Variants in LEKR1 observed in about 807,000 individuals in gnomAD.
LEKR1 encodes protein LEKR1.
LEKR1 carries 59 observed loss-of-function variants against 72.4 expected under a neutral mutation model. That is an observed-to-expected ratio of 0.82 (90% CI 0.66 to 1.01). The LOEUF (loss-of-function observed/expected upper bound fraction) is 1.01, where lower values mean the gene tolerates loss of function less well. Among genes scored for constraint, LEKR1 ranks in the 50% least tolerant of loss-of-function variants. The pLI, the probability that LEKR1 is intolerant of heterozygous loss-of-function variation, is 0.00. For missense variants in LEKR1, 728 were observed against 759.2 expected, an observed-to-expected ratio of 0.96 and a Z score of 0.48; for synonymous variants, 257 against 263.2, an observed-to-expected ratio of 0.98 and a Z score of 0.23.
chr3:156,961,368 C>T (rs1193432829), intron 6 of LEKR1, among the ~76,000 whole-genome samples: 2 of 152,090 alleles, frequency 1.3e-5, no homozygotes, highest in Admixed American at 1.3e-4. Context: ...TCAGCAAAGT[C>T]GAATTTTGGG....
In LEKR1 at chr3:156,924,545, G is replaced by C. The variant is rs781311234; in HGVS notation, c.384-2884G>C. On this transcript the variant is annotated intron_variant, in intron 4 of 12. Transcript: ENST00000356539. Reference sequence around the variant, plus strand: ...GAACTCTGTCTAAGCCGGTCAGAAGGATTTTCTCCTGTATTTTCTTCTAAG... The same window carrying C: ...GAACTCTGTCTAAGCCGGTCAGAAGCATTTTCTCCTGTATTTTCTTCTAAG... The C allele has an allele frequency of 1.1e-4, 76 of 670,256 alleles. No individual in the cohort carries two copies. In the African/African-American group the frequency reaches 1.2e-3, roughly 11 times the overall value. The allele number at this position is 670,256 out of a possible 1,614,324, so 41.5% of individuals were successfully genotyped here. A position where few individuals can be genotyped will look rare whatever the true frequency, so the allele number is the denominator to read the frequency against.
At chr3:156,944,888 G>A (rs1271118028) in intron 6 of LEKR1, among the ~76,000 whole-genome samples, 1 of 151,610 alleles carries the variant, frequency 6.6e-6, no homozygotes, top group Non-Finnish European at 1.5e-5. Flanking sequence ...TGGGAGTGTA[G>A]ATATCTCTTC....
intron 7 of LEKR1, among the ~76,000 whole-genome samples, chr3:156,982,206 T>G (rs1289163207): frequency 6.6e-6 from 1 of 152,226 alleles, no homozygotes; most frequent in African/African-American, 2.4e-5. Context: ...CAGTTTTAGT[T>G]GATAAGAGTC....
chr3:156,994,104 A>G (rs1338780973), intron 9 of LEKR1, among the ~76,000 whole-genome samples: 3 of 152,140 alleles, frequency 2.0e-5, no homozygotes, highest in African/African-American at 7.2e-5. Flanking sequence ...CAGAAGGCAC[A>G]TGATAGGTTA....
chr3:156,993,640 T>C (rs1168446767), intron 9 of LEKR1, among the ~76,000 whole-genome samples: 1 of 152,132 alleles, frequency 6.6e-6, no homozygotes, highest in Non-Finnish European at 1.5e-5. Flanking sequence ...ACAGAAAAGA[T>C]CTTTTTATAT....
At chr3:156,969,311 C>CA (rs1358884583) in intron 6 of LEKR1, among the ~76,000 whole-genome samples, 2 of 151,954 alleles carry the variant, frequency 1.3e-5, no homozygotes, top group Non-Finnish European at 2.9e-5. Flanking sequence ...AAAAACCCTT[C>CA]AAAAAATCAA....
intron 9 of LEKR1, among the ~76,000 whole-genome samples, chr3:156,994,971 A>G (rs185248993): frequency 6.6e-6 from 1 of 152,340 alleles, no homozygotes; most frequent in Non-Finnish European, 1.5e-5. Flanking sequence ...GCTTAAGCAC[A>G]TGTTTTAGAC....
chr3:156,830,464 G>A (rs923246395), intron 2 of LEKR1, among the ~76,000 whole-genome samples: 1 of 152,232 alleles, frequency 6.6e-6, no homozygotes, highest in African/African-American at 2.4e-5. Context: ...GTGTGCAGCT[G>A]TGGTTGCCCA....
intron 4 of LEKR1, among the ~76,000 whole-genome samples, chr3:156,922,354 A>G (rs989098788): frequency 1.1e-4 from 17 of 152,104 alleles, no homozygotes; most frequent in Admixed American, 8.5e-4. Context: ...TTAATAAAGA[A>G]AAAGAGCTTA....
chr3:156,902,902 C>G (rs1722172093), intron 3 of LEKR1, among the ~76,000 whole-genome samples: 2 of 151,812 alleles, frequency 1.3e-5, no homozygotes, highest in South Asian at 4.1e-4. Context: ...TTAAAAAAAG[C>G]ACCATAATGT....
At chr3:157,004,853 GA>G (rs555329025) in intron 9 of LEKR1, among the ~76,000 whole-genome samples, 316 of 151,474 alleles carry the variant, frequency 2.1e-3, no homozygotes, top group African/African-American at 7.3e-3. Context: ...TGTGAAAAAA[GA>G]AAAAAAGGTT....
At chr3:156,995,221 A>C (rs1576967270) in intron 9 of LEKR1, among the ~76,000 whole-genome samples, 1 of 152,204 alleles carries the variant, frequency 6.6e-6, no homozygotes, top group East Asian at 1.9e-4. Flanking sequence ...CCTCAGTAGA[A>C]TATATATATA....
chr3:156,883,670 C>T (rs998606824), intron 3 of LEKR1, among the ~76,000 whole-genome samples: 4 of 152,152 alleles, frequency 2.6e-5, no homozygotes, highest in African/African-American at 9.7e-5. Context: ...TAAGGGGAAA[C>T]CGATTTTGCT....
chr3:157,024,011 A>T, intron 10 of LEKR1, among the ~76,000 whole-genome samples: 1 of 152,328 alleles, frequency 6.6e-6, no homozygotes, highest in East Asian at 1.9e-4. Flanking sequence ...TACACTGTAC[A>T]GTATCAGCTG....
At chr3:156,885,525 G>A (rs944802647) in intron 3 of LEKR1, among the ~76,000 whole-genome samples, 6 of 152,168 alleles carry the variant, frequency 3.9e-5, no homozygotes, top group Non-Finnish European at 8.8e-5. Context: ...GGCTTCCTGA[G>A]AGCTGGACTG....
intron 1 of LEKR1, among the ~76,000 whole-genome samples, chr3:156,827,949 T>C (rs1711855832): frequency 6.6e-6 from 1 of 152,250 alleles, no homozygotes; most frequent in Admixed American, 6.5e-5. Context: ...ATTTTACTGA[T>C]GGCAAATCCA....
chr3:156,941,561 A>G (rs1726207723), intron 5 of LEKR1, among the ~76,000 whole-genome samples: 1 of 152,060 alleles, frequency 6.6e-6, no homozygotes, highest in South Asian at 2.1e-4. Context: ...AATAAACGAA[A>G]CCAACCACTT....
At chr3:156,912,209 T>C (rs1723182537) in intron 3 of LEKR1, among the ~76,000 whole-genome samples, 2 of 152,302 alleles carry the variant, frequency 1.3e-5, no homozygotes, top group South Asian at 2.1e-4. Flanking sequence ...TGTATAATAA[T>C]GAATTTTGAG....
chr3:156,901,948 T>A (rs1478772270), intron 3 of LEKR1, among the ~76,000 whole-genome samples: 3 of 152,202 alleles, frequency 2.0e-5, no homozygotes, highest in African/African-American at 7.2e-5. Flanking sequence ...CCTCCCAAAG[T>A]GCTAGGATTA....
Sources: gnomAD v4.1 joint callset for allele counts (sites outside exome capture counted in the v4.1 genomes callset) on GRCh38, gnomAD v4.1.1 for gene constraint, MANE v1.5 for transcripts, NCBI Gene and HGNC (gene_info 2026-07-23, HGNC 2026-07-21) for gene names.